The following SARDH variants were observed in gnomAD, a reference collection of about 807,000 sequenced individuals.
SARDH encodes sarcosine dehydrogenase, mitochondrial.
In SARDH, 95 loss-of-function variants were observed where a neutral mutation model predicts 109.1. The observed-to-expected ratio is 0.87, with a 90% confidence interval of 0.74 to 1.03. The LOEUF is 1.03. Ranked by LOEUF, SARDH falls within the 50% of genes least tolerant of loss-of-function variation. The pLI is 0.00. For synonymous variants in SARDH, 572 were observed against 534.8 expected (o/e 1.07, Z -0.96); for missense variants, 1,267 against 1,287.8 (o/e 0.98, Z 0.25).
intron 6 of SARDH, among the ~76,000 whole-genome samples, chr9:133,725,036 A>G (rs1832440592): frequency 6.6e-6 from 1 of 152,246 alleles, no homozygotes; most frequent in African/African-American, 2.4e-5. Context: ...TTGTATCCAT[A>G]CAATGGAGTA....
chr9:133,715,423 G>A (rs989194408), intron 8 of SARDH, among the ~76,000 whole-genome samples: 1 of 152,144 alleles, frequency 6.6e-6, no homozygotes, highest in African/African-American at 2.4e-5. Context: ...CACGCAAGCT[G>A]CGGGGTGGGG....
chr9:133,731,236 C>A, intron 4 of SARDH, 69 bp downstream of exon 4: 1 of 1,570,634 alleles, frequency 6.4e-7, no homozygotes, highest in Non-Finnish European at 8.7e-7. Context: ...TTCCCTTCTG[C>A]TCTCAGGGTT....
At chr9:133,663,353 C>G (rs564122331), downstream of SARDH, among the ~76,000 whole-genome samples, 779 of 152,346 alleles carry the variant, frequency 5.1e-3, 5 homozygotes, top group African/African-American at 0.018. Flanking sequence ...TTTCCAGCTC[C>G]TGTTCCGACC....
intron 2 of SARDH, among the ~76,000 whole-genome samples, chr9:133,732,981 G>A (rs970008499): frequency 9.9e-5 from 15 of 152,170 alleles, no homozygotes; most frequent in African/African-American, 3.6e-4. Context: ...TGGAGGGGGC[G>A]CCGAGACACC....
At chr9:133,708,260 C>T (rs774310557) in intron 11 of SARDH, 27 bp downstream of exon 11, 1 of 1,602,302 alleles carries the variant, frequency 6.2e-7, no homozygotes, top group South Asian at 1.1e-5. Flanking sequence ...CGCTGCCAGT[C>T]CCCAGCAGGA....
chr9:133,707,728 GA>G (rs1248883890), intron 11 of SARDH, among the ~76,000 whole-genome samples: 2 of 152,174 alleles, frequency 1.3e-5, no homozygotes, highest in African/African-American at 4.8e-5. Context: ...GGAAGGAATG[GA>G]GACGGGGCTG....
intron 17 of SARDH, among the ~76,000 whole-genome samples, chr9:133,679,839 A>G (rs1365618352): frequency 6.6e-6 from 1 of 152,220 alleles, no homozygotes; most frequent in Non-Finnish European, 1.5e-5. Flanking sequence ...GTCTTTGGGC[A>G]GCGGCAGGCG....
chr9:133,695,640 A>G (rs2131395219), intron 14 of SARDH, among the ~76,000 whole-genome samples: 1 of 145,484 alleles, frequency 6.9e-6, no homozygotes, highest in Admixed American at 7.1e-5. Flanking sequence ...GAACCGTGAC[A>G]ATAAATTGGT....
chr9:133,681,929 G>A (rs949959575), intron 17 of SARDH, among the ~76,000 whole-genome samples: 2 of 138,842 alleles, frequency 1.4e-5, no homozygotes, highest in South Asian at 2.7e-4. Flanking sequence ...CATCCCACAC[G>A]CAGGGACCCC....
In SARDH at chr9:133,686,286, C is replaced by T. The variant is rs953001739; in HGVS notation, c.2070-1000G>A. On this transcript the variant is annotated intron_variant, in intron 16 of 20. Coordinates refer to ENST00000439388, the MANE Select transcript of SARDH (RefSeq NM_001134707.2). This position sits in a 1 kb window ranked among gnomAD's most constrained non-coding sequence, Gnocchi z 4.0. Reference sequence around the variant, plus strand: ...ACTGGAGCCAACACCCATGGTCTCCCAGGAAGCCCTCACCTCCTGGGCACC... The same window carrying T: ...ACTGGAGCCAACACCCATGGTCTCCTAGGAAGCCCTCACCTCCTGGGCACC... Among the ~76,000 whole-genome samples the T allele has an allele frequency of 7.2e-5, 11 of 152,068 alleles. No individual in the cohort carries two copies. The highest frequency in any genetic ancestry group is 1.3e-4 in the Non-Finnish European group (9 of 67,980).
intron 6 of SARDH, among the ~76,000 whole-genome samples, chr9:133,727,082 T>C (rs527896250): frequency 6.6e-6 from 1 of 152,268 alleles, no homozygotes; most frequent in South Asian, 2.1e-4. Context: ...CAGCCGCTCC[T>C]TGCCACTGCA....
At chr9:133,672,963 G>A (rs991151750) in intron 17 of SARDH, among the ~76,000 whole-genome samples, 8 of 152,322 alleles carry the variant, frequency 5.3e-5, no homozygotes, top group East Asian at 3.9e-4. Flanking sequence ...GCCGATTATC[G>A]GGTGCTCTGG....
At chr9:133,677,784 C>A (rs1479280779) in intron 17 of SARDH, among the ~76,000 whole-genome samples, 1 of 152,198 alleles carries the variant, frequency 6.6e-6, no homozygotes. Context: ...AGCCAGTTGG[C>A]CTGGACAAGA....
chr9:133,661,198 G>A (rs1342580306), downstream of SARDH, among the ~76,000 whole-genome samples: 10 of 152,106 alleles, frequency 6.6e-5, no homozygotes, highest in Admixed American at 5.9e-4. Flanking sequence ...AAATTAGCCA[G>A]GCTGTGGTGG....
In SARDH at chr9:133,670,608, C is replaced by A. The variant is rs557114966; in HGVS notation, c.2471G>T (p.Arg824Leu). ...EQQRAAGLRRRLVCFTMEDKV... is the reference protein window; with the variant it reads ...EQQRAAGLRRLLVCFTMEDKV... ...CTCCTCCATGGTGAAGCACACCAGG[C>A]GCCGGCGGAGGCCTGCGGCCCGCTG... The change falls in exon 19 of 21, where the codon CGC (arginine) becomes CTC (leucine). Residue 824 changes from arginine to leucine, a missense_variant. Arg to Leu is a moderately radical substitution (Grantham distance 102). Transcript: ENST00000439388. 1 of 1,576,328 alleles carries A rather than the reference C, an allele frequency of 6.3e-7. No individual in the cohort carries two copies. The highest frequency in any genetic ancestry group is 2.3e-5 in the East Asian group (1 of 42,962).
intron 6 of SARDH, among the ~76,000 whole-genome samples, chr9:133,721,175 A>G (rs571053050): frequency 2.0e-5 from 3 of 152,346 alleles, no homozygotes; most frequent in South Asian, 2.1e-4. Context: ...GAAGGGCCCA[A>G]GAGTGCCCAC....
chr9:133,683,421 C>G (rs1017458432), intron 17 of SARDH, among the ~76,000 whole-genome samples: 1 of 152,228 alleles, frequency 6.6e-6, no homozygotes, highest in African/African-American at 2.4e-5. Context: ...CCGCAGCCCC[C>G]CTCCCCTTCT....
chr9:133,712,501 C>T lies in SARDH; in HGVS notation c.1328+118G>A. The T allele has an allele frequency of 2.2e-6, 2 of 909,812 alleles. No homozygotes were observed. Among genetic ancestry groups the T allele is most frequent in the Non-Finnish European group, 1.7e-6 (1 of 583,622 alleles). 56.4% of individuals were successfully genotyped at this position (909,812 alleles called of 1,614,324 possible). On this transcript the variant is annotated intron_variant, in intron 10 of 20. Coordinates refer to ENST00000439388, the MANE Select transcript of SARDH (RefSeq NM_001134707.2). The surrounding 1 kb of genome is among the most constrained non-coding windows in gnomAD (Gnocchi z 4.1). The stretch of plus-strand genomic sequence containing the variant: ...TGGCCTTCCTCCCTCACTGCTGCCC[C>T]TTCCAGGAAGCCACCTGGATTTCAG...
intron 16 of SARDH, among the ~76,000 whole-genome samples, chr9:133,688,871 G>A (rs1274130708): frequency 6.6e-6 from 1 of 152,250 alleles, no homozygotes; most frequent in Non-Finnish European, 1.5e-5. Context: ...AAGCCAGTTA[G>A]TGTTAAAGCA....
Sources: allele counts gnomAD v4.1 joint callset (sites outside exome capture counted in the v4.1 genomes callset), GRCh38; gene constraint gnomAD v4.1.1; non-coding constraint Gnocchi (gnomAD v3.1); transcripts MANE v1.5; gene names NCBI Gene and HGNC (gene_info 2026-07-23, HGNC 2026-07-21).